CYRIB: variants seen among roughly 807,000 people sequenced by gnomAD.
CYRIB encodes the protein CYFIP related Rac1 interactor B.
In CYRIB, 8 loss-of-function variants were observed where a neutral mutation model predicts 44.2. The ratio of observed to expected loss-of-function variants is 0.18; its 90% CI spans 0.11 to 0.33. The LOEUF is 0.33. Ranked by LOEUF, CYRIB falls within the 10% of genes least tolerant of loss-of-function variation. CYRIB has a pLI of 1.00. For synonymous variants in CYRIB, 131 were observed against 127.2 expected, an observed-to-expected ratio of 1.03 and a Z score of -0.20; for missense variants, 185 against 382.8, an observed-to-expected ratio of 0.48 and a Z score of 4.31.
At chr8:129,920,715 TACC>T (rs2083112672) in intron 1 of CYRIB, among the ~76,000 whole-genome samples, 1 of 152,178 alleles carries the variant, frequency 6.6e-6, no homozygotes, top group African/African-American at 2.4e-5. Context: ...TACCTTCTGC[TACC>T]CTACTCATTC....
At chr8:129,945,500 G>C (rs2094071976) in intron 2 of CYRIB, among the ~76,000 whole-genome samples, 1 of 152,136 alleles carries the variant, frequency 6.6e-6, no homozygotes, top group African/African-American at 2.4e-5. Context: ...ACAGTTTTCA[G>C]TCTTGGTTTT....
At chr8:129,940,512 T>C (rs1018602186), upstream of CYRIB, among the ~76,000 whole-genome samples, 3 of 152,080 alleles carry the variant, frequency 2.0e-5, no homozygotes, top group Admixed American at 1.3e-4. Context: ...TGGGCAAAAA[T>C]ATCTAGTGGG....
At chr8:129,863,538 AG>A (rs1294759595) in intron 4 of CYRIB, among the ~76,000 whole-genome samples, 1 of 151,710 alleles carries the variant, frequency 6.6e-6, no homozygotes, top group African/African-American at 2.4e-5. Context: ...AAAAAAAAAA[AG>A]AAAATACAAA....
chr8:129,994,272 G>T (rs112374684), intron 1 of CYRIB, among the ~76,000 whole-genome samples: 4 of 151,454 alleles, frequency 2.6e-5, no homozygotes, highest in South Asian at 2.1e-4. Context: ...CAGAAGCTGG[G>T]GGGGGTGGCA....
At chr8:130,013,015 TC>T (rs2097260995) in intron 1 of CYRIB, among the ~76,000 whole-genome samples, 2 of 152,208 alleles carry the variant, frequency 1.3e-5, no homozygotes, top group South Asian at 4.1e-4. Context: ...AATCAATCCT[TC>T]ACTCCTCCCA....
At chr8:129,913,473 C>CTTG (rs2079116684) in intron 1 of CYRIB, among the ~76,000 whole-genome samples, 1 of 152,202 alleles carries the variant, frequency 6.6e-6, no homozygotes, top group African/African-American at 2.4e-5. Context: ...AAAACCAAAG[C>CTTG]ACATTCTTCA....
chr8:129,903,903 T>C (rs532311644), intron 1 of CYRIB, among the ~76,000 whole-genome samples: 1 of 152,314 alleles, frequency 6.6e-6, no homozygotes, highest in South Asian at 2.1e-4. Flanking sequence ...GGATTGGTTT[T>C]ATTATTTCAC....
chr8:129,873,845 T>C (rs1225968762), intron 3 of CYRIB, among the ~76,000 whole-genome samples: 2 of 152,028 alleles, frequency 1.3e-5, no homozygotes, highest in African/African-American at 2.4e-5. Flanking sequence ...AGATTTAAGT[T>C]TCCCTTTAGG....
chr8:129,994,060 A>C (rs1414385533), intron 1 of CYRIB, among the ~76,000 whole-genome samples: 1 of 152,108 alleles, frequency 6.6e-6, no homozygotes, highest in African/African-American at 2.4e-5. Context: ...CTTGACCCCT[A>C]ATGTCAAAGA....
rs116906836 is a variant in CYRIB at position 129,920,371 on chromosome 8, C to A, written c.-49-17021G>T. ...ATAAATATATCATATCAGATAGGTTCATTTCTCAAAAGAGCTCATAATTCT... is the reference window on the plus strand; with the variant it reads ...ATAAATATATCATATCAGATAGGTTAATTTCTCAAAAGAGCTCATAATTCT... On this transcript the variant is annotated intron_variant, in intron 1 of 11. Transcript: ENST00000519824. Among the ~76,000 whole-genome samples the A allele has an allele frequency of 7.6e-4, 116 of 152,198 alleles. 2 individuals carry two copies. The East Asian group carries it at 0.022, about 29-fold the overall frequency.
chr8:129,884,381 C>G (rs1327775487), intron 2 of CYRIB, among the ~76,000 whole-genome samples: 1 of 152,062 alleles, frequency 6.6e-6, no homozygotes, highest in Non-Finnish European at 1.5e-5. Flanking sequence ...CTTCGCCTCC[C>G]AGGTTCAAGT....
In CYRIB at chr8:129,990,481, CATGTGTGTGTGTATGCGTGT is replaced by C. The variant is rs1165593114; in HGVS notation, c.-295-19506_-295-19487del. On this transcript the variant is annotated intron_variant, in intron 1 of 14. Transcript: ENST00000401979. ...AATACGGTGTGTGTGTGTGTGCATG[CATGTGTGTGTGTATGCGTGT>C]GTGTGTGTGTGTGTGTGTGTGTATA... Among the ~76,000 whole-genome samples, 6 of 146,660 alleles carry C rather than the reference CATGTGTGTGTGTATGCGTGT, an allele frequency of 4.1e-5. No individual in the cohort carries two copies. The South Asian group carries it at 1.3e-3, about 32-fold the overall frequency.
intron 5 of CYRIB, among the ~76,000 whole-genome samples, chr8:129,858,898 T>A (rs1188086927): frequency 1.3e-5 from 2 of 152,086 alleles, no homozygotes; most frequent in East Asian, 3.9e-4. Flanking sequence ...AACAAGCAAG[T>A]ATGGCAAGTT....
chr8:129,995,338 C>T (rs2096741213), intron 1 of CYRIB, among the ~76,000 whole-genome samples: 1 of 152,184 alleles, frequency 6.6e-6, no homozygotes, highest in East Asian at 1.9e-4. Context: ...TCTCTTACCA[C>T]AGAGAACAAG....
chr8:129,972,199 G>C (rs1484987486), intron 1 of CYRIB, among the ~76,000 whole-genome samples: 1 of 152,200 alleles, frequency 6.6e-6, no homozygotes, highest in Non-Finnish European at 1.5e-5. Context: ...TTGTTTGCCA[G>C]TGTAGGTTTT....
chr8:129,963,394 A>G (rs906725907), intron 2 of CYRIB, among the ~76,000 whole-genome samples: 1 of 152,242 alleles, frequency 6.6e-6, no homozygotes, highest in Non-Finnish European at 1.5e-5. Flanking sequence ...CTATACACAG[A>G]TGAAGCAAGG....
At chr8:130,011,756 C>T (rs537126086) in intron 1 of CYRIB, among the ~76,000 whole-genome samples, 1 of 152,208 alleles carries the variant, frequency 6.6e-6, no homozygotes, top group South Asian at 2.1e-4. Context: ...TGGCATGAAT[C>T]CGGGAGGCGG....
At chr8:129,894,076 A>T (rs746130295) in intron 2 of CYRIB, among the ~76,000 whole-genome samples, 1 of 152,150 alleles carries the variant, frequency 6.6e-6, no homozygotes, top group African/African-American at 2.4e-5. Flanking sequence ...TCATTCCTCT[A>T]CTGATTGACA....
chr8:130,016,224 C>A (rs1322246554), intron 1 of CYRIB, 146 bp downstream of exon 1: 1 of 147,346 alleles, frequency 6.8e-6, no homozygotes, highest in Non-Finnish European at 1.5e-5. Flanking sequence ...AGCGCCCGGC[C>A]CGGCGGCCCG....
Sources: gnomAD v4.1 joint callset for allele counts (sites outside exome capture counted in the v4.1 genomes callset) on GRCh38, gnomAD v4.1.1 for gene constraint, MANE v1.5 for transcripts, NCBI Gene and HGNC (gene_info 2026-07-23, HGNC 2026-07-21) for gene names.